The following CATSPERD variants were observed in gnomAD, a reference collection of about 807,000 sequenced individuals.
CATSPERD encodes the protein cation channel sperm-associated auxiliary subunit delta.
In CATSPERD, 86 loss-of-function variants were observed where a neutral mutation model predicts 98.1. That is an observed-to-expected ratio of 0.88 (90% CI 0.74 to 1.05). The LOEUF is 1.05. Ranked by LOEUF, CATSPERD falls within the 50% of genes least tolerant of loss-of-function variation. The pLI is 0.00. For synonymous variants in CATSPERD, 394 were observed against 390.2 expected (o/e 1.01, Z -0.12); for missense variants, 995 against 1,005.7 (o/e 0.99, Z 0.14).
chr19:5,726,590 T>G (rs1465067354), intron 2 of CATSPERD, among the ~76,000 whole-genome samples: 1 of 151,170 alleles, frequency 6.6e-6, no homozygotes, highest in Non-Finnish European at 1.5e-5. Context: ...CTATGCTGCT[T>G]AGGCTGGTCT....
At chr19:5,744,601 A>C in intron 8 of CATSPERD, 91 bp downstream of exon 8, 2 of 858,744 alleles carry the variant, frequency 2.3e-6, no homozygotes, top group Non-Finnish European at 3.5e-6. Flanking sequence ...ACATTTATTT[A>C]TTTATTTAAT....
At chr19:5,775,783 A>C (rs937241686) in intron 20 of CATSPERD, among the ~76,000 whole-genome samples, 1 of 152,110 alleles carries the variant, frequency 6.6e-6, no homozygotes, top group Non-Finnish European at 1.5e-5. Context: ...AATCAGAAGA[A>C]ACACTGTGCC....
At chr19:5,772,662 C>G in intron 19 of CATSPERD, 126 bp from the exon 20 acceptor site, 1 of 936,336 alleles carries the variant, frequency 1.1e-6, no homozygotes, top group South Asian at 1.6e-5. Context: ...GGCAGGCGTC[C>G]TTTGGTTTCC....
intron 1 of CATSPERD, among the ~76,000 whole-genome samples, chr19:5,723,608 G>A (rs933367197): frequency 6.6e-6 from 1 of 151,706 alleles, no homozygotes; most frequent in South Asian, 2.1e-4. Flanking sequence ...GGGACTACAG[G>A]TGCCGCAACC....
intron 17 of CATSPERD, among the ~76,000 whole-genome samples, chr19:5,767,455 T>TTGA (rs1169751428): frequency 4.6e-5 from 7 of 151,228 alleles, no homozygotes; most frequent in African/African-American, 1.7e-4. Flanking sequence ...CAACTGCTCA[T>TTGA]GCATTAGACG....
chr19:5,766,285 T>C (rs1253618129), intron 17 of CATSPERD, 130 bp downstream of exon 17: 2 of 321,052 alleles, frequency 6.2e-6, no homozygotes, highest in East Asian at 5.1e-5. Flanking sequence ...ACCCCGTCTC[T>C]ACTGAAAAAA....
rs144819536 is a variant in CATSPERD at position 5,757,656 on chromosome 19, G to A, written c.1279-187G>A. 6.5e-3 allele frequency among the ~76,000 whole-genome samples: 875 copies of A among 135,588 alleles called. 11 individuals are homozygous for A. The highest frequency in any genetic ancestry group is 0.024 in the African/African-American group (839 of 35,466). 89.0% of individuals were successfully genotyped at this position (135,588 alleles called of 152,430 possible). On this transcript the variant is annotated intron_variant, in intron 13 of 21. Coordinates refer to ENST00000381624, the MANE Select transcript of CATSPERD (RefSeq NM_152784.4). ...GGATCTCTCTGTGTTGCCCAGGCTC[G>A]TCTTGAACTCCTGGGCTCAAGCAGT...
rs867833814 is a variant in CATSPERD, at chr19:5,767,295, T to C, written c.1560-873T>C. 1.9e-3 allele frequency among the ~76,000 whole-genome samples: 207 copies of C among 110,294 alleles called. 1 individual carries two copies. Among genetic ancestry groups the C allele is most frequent in the African/African-American group, 6.7e-3 (188 of 27,950 alleles). The allele number at this position is 110,294 out of a possible 152,430, so 72.4% of individuals were successfully genotyped here. On this transcript the variant is annotated intron_variant, in intron 17 of 21. Transcript: ENST00000381624. Reference sequence around the variant, plus strand: ...TCGTGCCACTGCACTCCAGCCTGGTTGACAGAGCGAGACTCTGTCTCAAAA... The same window carrying C: ...TCGTGCCACTGCACTCCAGCCTGGTCGACAGAGCGAGACTCTGTCTCAAAA...
chr19:5,762,617 G>GTGGA (rs543017321), intron 15 of CATSPERD, among the ~76,000 whole-genome samples: 1,736 of 151,664 alleles, frequency 0.011, 20 homozygotes, highest in South Asian at 0.029. Flanking sequence ...GGATGGGTGG[G>GTGGA]TGGATGGATG....
In CATSPERD at chr19:5,749,803, A is replaced by ATT. The variant is rs199802101; in HGVS notation, c.987+637_987+638dup. The stretch of plus-strand genomic sequence containing the variant: ...TCCTCTTGTGCATTATGCCTATCTA[A>ATT]TTTTTTTTTTTTTTTTTTGAGATGG... On this transcript the variant is annotated intron_variant, in intron 11 of 21. Transcript: ENST00000381624. Among the ~76,000 whole-genome samples, 127 of 134,988 alleles carry ATT rather than the reference A, an allele frequency of 9.4e-4. 1 individual carries two copies. The highest frequency in any genetic ancestry group is 3.4e-3 in the East Asian group (15 of 4,380). The allele number at this position is 134,988 out of a possible 152,430, so 88.6% of individuals were successfully genotyped here.
intron 9 of CATSPERD, among the ~76,000 whole-genome samples, chr19:5,746,339 G>A (rs974620829): frequency 6.6e-6 from 1 of 152,138 alleles, no homozygotes; most frequent in Non-Finnish European, 1.5e-5. Flanking sequence ...GGTTTATTCC[G>A]CCAGCTTTAG....
intron 21 of CATSPERD, among the ~76,000 whole-genome samples, 138 bp from the exon 22 acceptor site, chr19:5,778,219 AAAAAAGGCATAGTGGATGG>A (rs1291231367): frequency 6.6e-6 from 1 of 151,684 alleles, no homozygotes; most frequent in African/African-American, 2.4e-5. Flanking sequence ...AAAAAAAAAA[AAAAAAGGCATAGTGGATGG>A]AAACAGAAGT....
intron 1 of CATSPERD, among the ~76,000 whole-genome samples, chr19:5,722,732 C>G (rs1309597743): frequency 1.4e-4 from 1 of 7,362 alleles, no homozygotes; most frequent in Non-Finnish European, 3.4e-4. Context: ...TTATCAAGAC[C>G]CCCCCCCCCG....
rs1185598198 is a variant in CATSPERD, at chr19:5,727,345, G to T, written c.203+1G>T. ...AGAAAAATATAGCACTATATCTAGG[G>T]TAAGTGGCAATTTTATGTACTGTTA... is the stretch of plus-strand genomic sequence containing the variant. On this transcript the variant is annotated splice_donor_variant, in intron 3 of 21. Transcript: ENST00000381624. LOFTEE classifies it high-confidence loss of function. 1.9e-6 allele frequency: 3 copies of T among 1,599,402 alleles called. No homozygotes were observed. The highest frequency in any genetic ancestry group is 2.6e-6 in the Non-Finnish European group (3 of 1,167,012).
At chr19:5,735,164 G>A (rs2055817792) in intron 5 of CATSPERD, among the ~76,000 whole-genome samples, 1 of 152,136 alleles carries the variant, frequency 6.6e-6, no homozygotes, top group Non-Finnish European at 1.5e-5. Flanking sequence ...TGGAGACAGA[G>A]TCTCACTCGG....
chr19:5,745,909 C>T lies in CATSPERD; in HGVS notation c.658-4C>T. The T allele has an allele frequency of 6.2e-7, 1 of 1,613,632 alleles. No individual in the cohort carries two copies. The highest frequency in any genetic ancestry group is 8.5e-7 in the Non-Finnish European group (1 of 1,179,836). On this transcript the variant is annotated splice_region_variant and splice_polypyrimidine_tract_variant and intron_variant, in intron 8 of 21. Coordinates refer to ENST00000381624, the MANE Select transcript of CATSPERD (RefSeq NM_152784.4). Reference sequence around the variant, plus strand: ...AGAGGCTGAATGGTGTCTTTTTCTCCCAGGGCATGTTCAAGTACTCAGATC... The same window carrying T: ...AGAGGCTGAATGGTGTCTTTTTCTCTCAGGGCATGTTCAAGTACTCAGATC...
chr19:5,776,226 G>A lies in CATSPERD; in HGVS notation c.2007G>A (p.Gln669=). 6.2e-7 allele frequency: 1 copy of A among 1,614,206 alleles called. No individual in the cohort carries two copies. The highest frequency in any genetic ancestry group is 8.5e-7 in the Non-Finnish European group (1 of 1,180,040). ...TGAGGTGGCCAGACGTCCAGTATCA[G>A]ATCTTGGGCGGCCGGACAGCAAACC... The part of the protein sequence containing the change: ...APLRWPDVQY[Q]ILGGRTANQI... The change falls in exon 21 of 22, where the codon CAG becomes CAA. Residue 669 remains glutamine (Q), a synonymous_variant. Transcript: ENST00000381624.
At chr19:5,772,729 C>G in intron 19 of CATSPERD, 59 bp from the exon 20 acceptor site, 4 of 1,545,040 alleles carry the variant, frequency 2.6e-6, no homozygotes, top group Non-Finnish European at 3.5e-6. Flanking sequence ...GGCTGTGGCC[C>G]GGGTCTTCCT....
At chr19:5,738,697 G>T (rs527956307) in intron 6 of CATSPERD, among the ~76,000 whole-genome samples, 1 of 152,106 alleles carries the variant, frequency 6.6e-6, no homozygotes, top group South Asian at 2.1e-4. Context: ...GATTCCCCTG[G>T]CTCAGCCTCC....
Sources: allele counts gnomAD v4.1 joint callset (sites outside exome capture counted in the v4.1 genomes callset), GRCh38; gene constraint gnomAD v4.1.1; transcripts MANE v1.5; gene names NCBI Gene and HGNC (gene_info 2026-07-23, HGNC 2026-07-21).